The following CRY1 variants were observed in gnomAD, a reference collection of about 807,000 sequenced individuals.
The protein encoded by CRY1 is cryptochrome circadian regulator 1.
In CRY1, 45 loss-of-function variants were observed where a neutral mutation model predicts 76.0. That is an observed-to-expected ratio of 0.59 (90% CI 0.47 to 0.76). CRY1 has a LOEUF of 0.76. Among genes scored for constraint, CRY1 ranks in the 30% least tolerant of loss-of-function variants. The pLI is 0.00. For synonymous variants in CRY1, 248 were observed against 244.0 expected, an observed-to-expected ratio of 1.02 and a Z score of -0.15; for missense variants, 587 against 716.4, an observed-to-expected ratio of 0.82 and a Z score of 2.06.
intron 7 of CRY1, among the ~76,000 whole-genome samples, chr12:106,999,135 T>C (rs1952271438): frequency 6.6e-6 from 1 of 151,438 alleles, no homozygotes; most frequent in Non-Finnish European, 1.5e-5. Context: ...CTTTACATAA[T>C]AGAAGTATTA....
At chr12:107,034,112 A>G (rs1952706987) in intron 1 of CRY1, among the ~76,000 whole-genome samples, 1 of 151,906 alleles carries the variant, frequency 6.6e-6, no homozygotes, top group Non-Finnish European at 1.5e-5. Flanking sequence ...GACCCTGCTG[A>G]TAAAACAGAA....
intron 1 of CRY1, among the ~76,000 whole-genome samples, chr12:107,024,587 G>A (rs1952588421): frequency 6.6e-6 from 1 of 152,096 alleles, no homozygotes; most frequent in African/African-American, 2.4e-5. Flanking sequence ...ACGTTGCCCA[G>A]GCTGGTCTCG....
At chr12:107,027,796 T>G (rs1952632588) in intron 1 of CRY1, among the ~76,000 whole-genome samples, 1 of 152,168 alleles carries the variant, frequency 6.6e-6, no homozygotes, top group Admixed American at 6.5e-5. Flanking sequence ...CACAATGACC[T>G]ACTTACCAGT....
chr12:107,019,354 A>T (rs1202024339), intron 2 of CRY1, among the ~76,000 whole-genome samples: 40 of 152,178 alleles, frequency 2.6e-4, no homozygotes, highest in Admixed American at 2.6e-3. Flanking sequence ...TTATAAATGG[A>T]ATTTTATACA....
intron 1 of CRY1, among the ~76,000 whole-genome samples, chr12:107,081,250 ATTTTT>A (rs528389192): frequency 6.6e-6 from 1 of 151,960 alleles, no homozygotes; most frequent in Non-Finnish European, 1.5e-5. Context: ...TTCATTGAGA[ATTTTT>A]TTTAAGTTAT....
intron 3 of CRY1, among the ~76,000 whole-genome samples, chr12:107,003,463 A>C (rs1952334872): frequency 6.6e-6 from 1 of 152,214 alleles, no homozygotes; most frequent in Non-Finnish European, 1.5e-5. Flanking sequence ...ATAACTGATA[A>C]ACGGCAAATC....
rs532763428 is a variant in CRY1 at position 107,007,436 on chromosome 12, G to C, written c.268-2188C>G. 8.5e-5 allele frequency among the ~76,000 whole-genome samples: 13 copies of C among 152,192 alleles called. No homozygotes were observed. The East Asian group carries it at 1.7e-3, about 20-fold the overall frequency. On this transcript the variant is annotated intron_variant, in intron 2 of 12. Transcript: ENST00000008527. ...AAAAAATTAACCATATTATTGGGTTGCTAAAGAATTAAATAACATAATGCA... is the reference window on the plus strand; with the variant it reads ...AAAAAATTAACCATATTATTGGGTTCCTAAAGAATTAAATAACATAATGCA...
At chr12:107,006,278 C>T (rs998783508) in intron 2 of CRY1, among the ~76,000 whole-genome samples, 5 of 151,772 alleles carry the variant, frequency 3.3e-5, no homozygotes, top group Non-Finnish European at 7.4e-5. Context: ...TCCAGCTACT[C>T]GGGAGGCTGA....
chr12:107,001,997 A>G (rs752227457), intron 3 of CRY1, 49 bp from the exon 4 acceptor site: 13 of 1,473,520 alleles, frequency 8.8e-6, no homozygotes, highest in Non-Finnish European at 1.1e-5. Context: ...AAGACAATAC[A>G]TTTTGGCTAA....
chr12:107,057,085 G>GA (rs1214065870), intron 1 of CRY1, among the ~76,000 whole-genome samples: 1 of 151,956 alleles, frequency 6.6e-6, no homozygotes, highest in African/African-American at 2.4e-5. Flanking sequence ...ATAAAAAAAA[G>GA]AAAAAATTAA....
At chr12:107,058,716 C>T (rs141995831) in intron 1 of CRY1, among the ~76,000 whole-genome samples, 2 of 151,958 alleles carry the variant, frequency 1.3e-5, no homozygotes, top group Non-Finnish European at 2.9e-5. Context: ...ATGCTTTTTG[C>T]GAAGACAGAA....
intron 1 of CRY1, among the ~76,000 whole-genome samples, chr12:107,050,968 G>C (rs1210749931): frequency 6.6e-6 from 1 of 152,064 alleles, no homozygotes; most frequent in East Asian, 1.9e-4. Context: ...GAGTATGAGA[G>C]CTCTAGAAAA....
In CRY1 at chr12:106,994,955, G is replaced by A. The variant is rs149817201; in HGVS notation, c.1586-1919C>T. Among the ~76,000 whole-genome samples, 73 of 152,362 alleles carry A rather than the reference G, an allele frequency of 4.8e-4. 1 individual carries two copies. Among genetic ancestry groups the A allele is most frequent in the African/African-American group, 1.7e-3 (71 of 41,584 alleles). ...TTTCTCAAGTATACTGCCATCACTG[G>A]CAACTGTCGACTGCTGGGTGGATCA... On this transcript the variant is annotated intron_variant, in intron 10 of 12. Coordinates refer to ENST00000008527, the MANE Select transcript of CRY1 (RefSeq NM_004075.5).
At chr12:107,025,145 C>A (rs538350548) in intron 1 of CRY1, among the ~76,000 whole-genome samples, 1 of 152,094 alleles carries the variant, frequency 6.6e-6, no homozygotes, top group Non-Finnish European at 1.5e-5. Flanking sequence ...CATATCTCCC[C>A]GTTAGGGAGT....
At chr12:107,027,429 T>C (rs1952629163) in intron 1 of CRY1, among the ~76,000 whole-genome samples, 1 of 152,190 alleles carries the variant, frequency 6.6e-6, no homozygotes, top group African/African-American at 2.4e-5. Flanking sequence ...TGCTATTAAC[T>C]ACATACAACA....
intron 1 of CRY1, among the ~76,000 whole-genome samples, chr12:107,090,881 T>C (rs1953463082): frequency 6.6e-6 from 1 of 152,036 alleles, no homozygotes; most frequent in Admixed American, 6.5e-5. Context: ...AGAACTCCAA[T>C]CACCCTCCCA....
intron 1 of CRY1, among the ~76,000 whole-genome samples, chr12:107,071,359 T>G (rs1226064542): frequency 1.3e-5 from 2 of 152,220 alleles, no homozygotes; most frequent in Non-Finnish European, 2.9e-5. Flanking sequence ...ATAATTATAC[T>G]CTGATCTACT....
chr12:106,999,557 T>C lies in CRY1; in HGVS notation c.1131A>G (p.Gly377=), dbSNP rs539156614. The C allele has an allele frequency of 6.2e-7, 1 of 1,610,578 alleles. No homozygotes were observed. The highest frequency in any genetic ancestry group is 1.3e-5 in the African/African-American group (1 of 74,894). ...RGDLWISWEE[G]MKVFEELLLD... The stretch of plus-strand genomic sequence containing the variant: ...TATCAGTTAGAACACTTACCTTCAT[T>C]CCTTCTTCCCAACTAATCCACAGGT... Residue 377 remains glycine, a synonymous_variant, in exon 7 of 13, where the codon GGA becomes GGG. Coordinates refer to ENST00000008527, the MANE Select transcript of CRY1 (RefSeq NM_004075.5).
intron 1 of CRY1, among the ~76,000 whole-genome samples, chr12:107,089,921 A>G (rs886428491): frequency 1.3e-5 from 2 of 152,202 alleles, no homozygotes; most frequent in African/African-American, 4.8e-5. Flanking sequence ...GAGTGATTCC[A>G]AAAAGACTTT....
Sources: gnomAD v4.1 joint callset for allele counts (sites outside exome capture counted in the v4.1 genomes callset) on GRCh38, gnomAD v4.1.1 for gene constraint, MANE v1.5 for transcripts, NCBI Gene and HGNC (gene_info 2026-07-23, HGNC 2026-07-21) for gene names.